ZNF14: variants seen among roughly 807,000 people sequenced by gnomAD.
The protein encoded by ZNF14 is zinc finger protein 14, also known as gonadotropin inducible transcription repressor-4.
ZNF14 carries 9 observed loss-of-function variants against 11.3 expected under a neutral mutation model. The ratio of observed to expected loss-of-function variants is 0.80; its 90% CI spans 0.48 to 1.39. The LOEUF (loss-of-function observed/expected upper bound fraction) is 1.39. Among genes scored for constraint, ZNF14 ranks in the 40% most tolerant of loss-of-function variants. ZNF14 has a pLI of 0.00. For missense variants in ZNF14, 711 were observed against 763.9 expected, an observed-to-expected ratio of 0.93 and a Z score of 0.82; for synonymous variants, 239 against 245.7, an observed-to-expected ratio of 0.97 and a Z score of 0.25.
intron 1 of ZNF14, among the ~76,000 whole-genome samples, chr19:19,730,607 G>T (rs1568452588): frequency 6.6e-6 from 1 of 152,060 alleles, no homozygotes; most frequent in Non-Finnish European, 1.5e-5. Context: ...CTCAGACTTG[G>T]AATAACATAA....
rs1291345000 is a variant in ZNF14 at position 19,720,232 on chromosome 19, T to C, written c.4-5745A>G. Among the ~76,000 whole-genome samples the C allele has an allele frequency of 1.3e-5, 2 of 152,184 alleles. No homozygotes were observed. The highest frequency in any genetic ancestry group is 4.8e-5 in the African/African-American group (2 of 41,448). On this transcript the variant is annotated intron_variant, in intron 1 of 3. Coordinates refer to ENST00000344099, the MANE Select transcript of ZNF14 (RefSeq NM_021030.3). This position sits in a 1 kb window ranked among gnomAD's most constrained non-coding sequence, Gnocchi z 4.1. ...GAACAGTACCATCAAACAACTGGAC[T>C]GAACGGAAAATCAAAACACTTAGAC...
intron 3 of ZNF14, among the ~76,000 whole-genome samples, chr19:19,713,543 G>A (rs2062368514): frequency 6.6e-6 from 1 of 151,944 alleles, no homozygotes; most frequent in Non-Finnish European, 1.5e-5. Flanking sequence ...CTGCCTCCTG[G>A]GTTCCAGCAA....
In ZNF14 at chr19:19,727,662, A is replaced by G. The variant is rs566620577; in HGVS notation, c.3+5294T>C. ...TTTTGAACAACTGCCAGAAAAATCA[A>G]GGGACTAATAATATGTAGTCTCAGA... On this transcript the variant is annotated intron_variant, in intron 1 of 3. Transcript: ENST00000344099. Among the ~76,000 whole-genome samples, 41 of 133,926 alleles carry G rather than the reference A, an allele frequency of 3.1e-4. 9 individuals are homozygous for G. Among genetic ancestry groups the G allele is most frequent in the African/African-American group, 1.1e-3 (41 of 36,280 alleles). The allele number at this position is 133,926 out of a possible 152,430, so 87.9% of individuals were successfully genotyped here.
intron 1 of ZNF14, among the ~76,000 whole-genome samples, chr19:19,719,399 C>A (rs991357738): frequency 1.3e-5 from 2 of 151,956 alleles, no homozygotes; most frequent in African/African-American, 4.8e-5. Context: ...TTGGTAAGTC[C>A]AGCTTATGGA....
rs2062390816 is a variant in ZNF14, at chr19:19,720,670, G to A, written c.4-6183C>T. ...GAAATTGGGCAGCTCAATTTTCTAAGAGCTCCTAAAATAATTGGAAGCCCC... is the reference window on the plus strand; with the variant it reads ...GAAATTGGGCAGCTCAATTTTCTAAAAGCTCCTAAAATAATTGGAAGCCCC... On this transcript the variant is annotated intron_variant, in intron 1 of 3. Transcript: ENST00000344099. The surrounding 1 kb of genome is among the most constrained non-coding windows in gnomAD (Gnocchi z 4.1). 6.6e-6 allele frequency among the ~76,000 whole-genome samples: 1 copy of A among 151,970 alleles called. No individual in the cohort carries two copies. Among genetic ancestry groups the A allele is most frequent in the South Asian group, 2.1e-4 (1 of 4,818 alleles).
At chr19:19,731,874 T>G (rs910219148) in intron 1 of ZNF14, among the ~76,000 whole-genome samples, 1 of 152,166 alleles carries the variant, frequency 6.6e-6, no homozygotes, top group Non-Finnish European at 1.5e-5. Flanking sequence ...GAGACCATCC[T>G]GGCTAACACG....
chr19:19,715,836 T>A (rs2062376442), intron 1 of ZNF14, among the ~76,000 whole-genome samples: 1 of 152,252 alleles, frequency 6.6e-6, no homozygotes, highest in African/African-American at 2.4e-5. Flanking sequence ...TTTCTTTTAA[T>A]TCCTGTTCCA....
At position 19,726,753 on chromosome 19, in the gene ZNF14, C is replaced by T. The variant is rs540215499; in HGVS notation, c.3+6203G>A. On this transcript the variant is annotated intron_variant, in intron 1 of 3. Coordinates refer to ENST00000344099, the MANE Select transcript of ZNF14 (RefSeq NM_021030.3). ...CTCCACCCAGTTCGAGCTTCCCAGC[C>T]GCTTTGTTTACCTACTCAAGCCTCA... 1.1e-3 allele frequency among the ~76,000 whole-genome samples: 150 copies of T among 133,314 alleles called. 34 individuals are homozygous for T. The highest frequency in any genetic ancestry group is 8.6e-3 in the Middle Eastern group (2 of 232). 87.5% of individuals were successfully genotyped at this position (133,314 alleles called of 152,430 possible). A position where few individuals can be genotyped will look rare whatever the true frequency, so the allele number is the denominator to read the frequency against.
chr19:19,714,398 A>G lies in ZNF14; in HGVS notation c.93T>C (p.Asp31=). ...GGTTTTTGAAGGTCTCCTGCATCACATCTTCATAGAGCTTTTTCTGTGAAG... is the reference window on the plus strand; with the variant it reads ...GGTTTTTGAAGGTCTCCTGCATCACGTCTTCATAGAGCTTTTTCTGTGAAG... The part of the protein sequence containing the change: ...LDSSQKKLYE[D]VMQETFKNLV... The change falls in exon 2 of 4, where the codon GAT becomes GAC. Residue 31 remains aspartate (D), a synonymous_variant. Coordinates refer to ENST00000344099, the MANE Select transcript of ZNF14 (RefSeq NM_021030.3). 6.2e-7 allele frequency: 1 copy of G among 1,614,106 alleles called. No individual in the cohort carries two copies. Among genetic ancestry groups the G allele is most frequent in the Non-Finnish European group, 8.5e-7 (1 of 1,180,014 alleles).
chr19:19,711,831 A>T lies in ZNF14; in HGVS notation c.1450T>A (p.Phe484Ile), dbSNP rs749591410. The change falls in exon 4 of 4, where the codon TTC becomes ATC. Residue 484 changes from phenylalanine to isoleucine, a missense_variant. Physicochemically the swap from Phe to Ile is conservative, Grantham distance 21. Transcript: ENST00000344099. ...AGTCGAAAGGAACTGGAACGAATGA[A>T]AACTTTTCCACACTGTTTACATTCA... ...PYECKQCGKV[F>I]IRSSSFRLHE... is the part of the protein sequence containing the mutation. 7 of 1,613,420 alleles carry T rather than the reference A, an allele frequency of 4.3e-6. No individual in the cohort carries two copies. Among genetic ancestry groups the T allele is most frequent in the Non-Finnish European group, 5.9e-6 (7 of 1,179,516 alleles).
In ZNF14 at chr19:19,711,673, A is replaced by G. The variant is rs187922923; in HGVS notation, c.1608T>C (p.Cys536=). The G allele has an allele frequency of 2.5e-6, 4 of 1,614,136 alleles. No homozygotes were observed. The East Asian group carries it at 8.9e-5, about 36-fold the overall frequency. ...GACTGGAACGAAGGAAGGCCTTACC[A>G]CATTGCTTACACTCAAAAGGCTTAT... ...TGNKPFECKQ[C]GKAFLRSSQI... is the part of the protein sequence containing the mutation. The change falls in exon 4 of 4, where the codon TGT becomes TGC. Residue 536 remains cysteine, a synonymous_variant. Coordinates refer to ENST00000344099, the MANE Select transcript of ZNF14 (RefSeq NM_021030.3).
chr19:19,728,630 T>C (rs34761854), intron 1 of ZNF14, among the ~76,000 whole-genome samples: 36,504 of 129,890 alleles, frequency 0.28, 11,514 homozygotes, highest in Non-Finnish European at 0.38. Context: ...GGTACCAATC[T>C]GAACTCGAAG....
At position 19,712,545 on chromosome 19, in the gene ZNF14, TGTGA is replaced by T. The variant is rs749330152; in HGVS notation, c.732_735del (p.His245LeufsTer81). 6.2e-7 allele frequency: 1 copy of T among 1,613,230 alleles called. No individual in the cohort carries two copies. Among genetic ancestry groups the T allele is most frequent in the Non-Finnish European group, 8.5e-7 (1 of 1,179,820 alleles). Reference sequence around the variant, plus strand: ...TTACATTCATAGGGTTTCTCTCCAGTGTGAGTCCTTTTGTGTCTTTGAAAAGATT... The same window carrying T: ...TTACATTCATAGGGTTTCTCTCCAGTGTCCTTTTGTGTCTTTGAAAAGATT... On this transcript the variant is annotated frameshift_variant, in exon 4 of 4. Coordinates refer to ENST00000344099, the MANE Select transcript of ZNF14 (RefSeq NM_021030.3). LOFTEE classifies it low-confidence loss of function (END_TRUNC).
At chr19:19,729,264 T>C (rs1392206275) in intron 1 of ZNF14, among the ~76,000 whole-genome samples, 1 of 149,590 alleles carries the variant, frequency 6.7e-6, no homozygotes. Context: ...GTGTGAGCCA[T>C]TGTGCCTGGC....
chr19:19,713,247 G>A (rs2062367580), intron 3 of ZNF14, among the ~76,000 whole-genome samples, 158 bp from the exon 4 acceptor site: 1 of 152,148 alleles, frequency 6.6e-6, no homozygotes, highest in African/African-American at 2.4e-5. Context: ...TCTGGAAGAA[G>A]ACTCAACCAT....
In ZNF14 at chr19:19,714,713, C is replaced by CTTTCT. The variant is rs1555761424; in HGVS notation, c.4-227_4-226insAGAAA. ...TTTTTTCTTTTTCCTTTTTCTTTTT[C>CTTTCT]TTTTTTTTTTTTTTTTGAGACAGAG... On this transcript the variant is annotated intron_variant, in intron 1 of 3. Transcript: ENST00000344099. 9.8e-5 allele frequency among the ~76,000 whole-genome samples: 12 copies of CTTTCT among 122,844 alleles called. No homozygotes were observed. In the South Asian group the frequency reaches 1.4e-3, roughly 14 times the overall value. The allele number at this position is 122,844 out of a possible 152,430, so 80.6% of individuals were successfully genotyped here.
At position 19,722,308 on chromosome 19, in the gene ZNF14, C is replaced by T. The variant is rs1415947153; in HGVS notation, c.4-7821G>A. Among the ~76,000 whole-genome samples, 8 of 152,310 alleles carry T rather than the reference C, an allele frequency of 5.3e-5. No individual in the cohort carries two copies. In the East Asian group the frequency reaches 1.3e-3, roughly 26 times the overall value. On this transcript the variant is annotated intron_variant, in intron 1 of 3. Transcript: ENST00000344099. ...TTCTACATATGGCTAGCCAGTTTTC[C>T]CAACACCATTTATTAAACAGGGAAT...
chr19:19,729,080 G>A (rs912236808), intron 1 of ZNF14, among the ~76,000 whole-genome samples: 2 of 151,552 alleles, frequency 1.3e-5, no homozygotes, highest in East Asian at 3.9e-4. Flanking sequence ...AGGTTCAAGC[G>A]ATTCTCCTGC....
chr19:19,722,247 C>T (rs987672083), intron 1 of ZNF14, among the ~76,000 whole-genome samples: 11 of 152,312 alleles, frequency 7.2e-5, no homozygotes, highest in African/African-American at 2.6e-4. Flanking sequence ...CCAAGATCAC[C>T]TTTAGCCTTT....
Sources: gnomAD v4.1 joint callset for allele counts (sites outside exome capture counted in the v4.1 genomes callset) on GRCh38, gnomAD v4.1.1 for gene constraint, Gnocchi (gnomAD v3.1) non-coding constraint, MANE v1.5 for transcripts, NCBI Gene and HGNC (gene_info 2026-07-23, HGNC 2026-07-21) for gene names.